DNM3: variants seen among roughly 807,000 people sequenced by gnomAD.
DNM3 encodes dynamin-3.
A neutral mutation model predicts 101.6 loss-of-function variants in DNM3; 47 were observed. That is an observed-to-expected ratio of 0.46 (90% CI 0.37 to 0.59). DNM3 has a LOEUF of 0.59. DNM3 is among the 20% of genes least tolerant of loss of function. The pLI is 0.00. For missense variants in DNM3, 849 were observed against 1,085.7 expected, an observed-to-expected ratio of 0.78 and a Z score of 3.06; for synonymous variants, 385 against 387.9, an observed-to-expected ratio of 0.99 and a Z score of 0.09.
intron 17 of DNM3, among the ~76,000 whole-genome samples, chr1:172,344,035 G>A (rs986439892): frequency 6.6e-6 from 1 of 152,164 alleles, no homozygotes; most frequent in Admixed American, 6.5e-5. Flanking sequence ...CTTCAGGGCT[G>A]CTTTGCCTTC....
chr1:172,143,314 T>G (rs967002859), intron 14 of DNM3, among the ~76,000 whole-genome samples: 3 of 152,158 alleles, frequency 2.0e-5, no homozygotes, highest in Admixed American at 6.6e-5. Flanking sequence ...AAGAGATGTT[T>G]TCATTATATA....
At chr1:171,968,715 C>T (rs2043772857) in intron 2 of DNM3, among the ~76,000 whole-genome samples, 1 of 152,058 alleles carries the variant, frequency 6.6e-6, no homozygotes, top group African/African-American at 2.4e-5. Context: ...CTATAACGGT[C>T]TTAAGGAATT....
intron 16 of DNM3, chr1:172,309,679 G>A (rs545103664): frequency 6.6e-6 from 1 of 152,332 alleles, no homozygotes; most frequent in Non-Finnish European, 1.5e-5. Flanking sequence ...TCAGTTTATA[G>A]GAATGATCAT....
downstream of DNM3, among the ~76,000 whole-genome samples, chr1:172,417,128 T>C (rs1299693539): frequency 6.6e-6 from 1 of 152,062 alleles, no homozygotes; most frequent in Non-Finnish European, 1.5e-5. Flanking sequence ...CAAGCAAGAA[T>C]AAGATGTGTA....
intron 14 of DNM3, among the ~76,000 whole-genome samples, chr1:172,250,641 G>A (rs1048299784): frequency 6.6e-6 from 1 of 152,078 alleles, no homozygotes; most frequent in African/African-American, 2.4e-5. Context: ...AGGGGAACTA[G>A]GACAAACTCT....
chr1:172,048,781 G>T (rs191841060), intron 10 of DNM3, 31 bp downstream of exon 10: 2 of 1,603,688 alleles, frequency 1.2e-6, no homozygotes, highest in Admixed American at 1.7e-5. Flanking sequence ...TTTCCAGTAC[G>T]TGGCTTTGGT....
intron 6 of DNM3, among the ~76,000 whole-genome samples, chr1:172,037,880 G>C (rs940619430): frequency 2.4e-4 from 36 of 152,204 alleles, no homozygotes; most frequent in African/African-American, 8.7e-4. Flanking sequence ...AGCTTCATCA[G>C]TGTGGTAAAC....
intron 17 of DNM3, among the ~76,000 whole-genome samples, chr1:172,364,662 A>T (rs2067916004): frequency 6.6e-6 from 1 of 151,906 alleles, no homozygotes; most frequent in African/African-American, 2.4e-5. Context: ...ACCAAATCTC[A>T]TGTCAATTGT....
chr1:171,899,641 C>A (rs915897018), intron 1 of DNM3, among the ~76,000 whole-genome samples: 1 of 152,126 alleles, frequency 6.6e-6, no homozygotes, highest in Non-Finnish European at 1.5e-5. Context: ...ATGGTAGTTA[C>A]TAAGGGTTTG....
intron 20 of DNM3, among the ~76,000 whole-genome samples, chr1:172,403,297 A>G (rs563499316): frequency 1.4e-4 from 22 of 152,242 alleles, no homozygotes; most frequent in African/African-American, 5.1e-4. Context: ...ACAAATCAGT[A>G]TTATGCTAGC....
intron 15 of DNM3, among the ~76,000 whole-genome samples, chr1:172,257,877 A>AACAC (rs56955112): frequency 0.027 from 3,927 of 145,182 alleles, 117 homozygotes; most frequent in African/African-American, 0.072. Context: ...AACCCCCACC[A>AACAC]ACACACACAC....
At chr1:172,274,530 C>T (rs993365212) in intron 15 of DNM3, among the ~76,000 whole-genome samples, 13 of 151,992 alleles carry the variant, frequency 8.6e-5, no homozygotes, top group Non-Finnish European at 1.8e-4. Flanking sequence ...ACCTTTCCTT[C>T]CTTCCCCTCC....
chr1:172,187,289 T>C (rs1249600682), intron 14 of DNM3, among the ~76,000 whole-genome samples: 6 of 152,080 alleles, frequency 3.9e-5, no homozygotes, highest in Non-Finnish European at 2.9e-5. Flanking sequence ...TTTGGTTTAT[T>C]TGTAAATTAA....
chr1:172,030,190 T>G (rs1315357272), intron 4 of DNM3, among the ~76,000 whole-genome samples: 1 of 152,148 alleles, frequency 6.6e-6, no homozygotes, highest in Admixed American at 6.5e-5. Context: ...AACAGCATGG[T>G]ACTGGTACCA....
intron 14 of DNM3, among the ~76,000 whole-genome samples, chr1:172,163,243 G>GT (rs201806268): frequency 0.51 from 69,047 of 134,358 alleles, 17,779 homozygotes; most frequent in Middle Eastern, 0.62. Context: ...TTCTTTTTTT[G>GT]TTTTTTTTTT....
At chr1:172,106,505 A>C (rs1163817438) in intron 13 of DNM3, among the ~76,000 whole-genome samples, 1 of 152,146 alleles carries the variant, frequency 6.6e-6, no homozygotes, top group African/African-American at 2.4e-5. Flanking sequence ...TTTAGTACCT[A>C]GGTGATGAAA....
At chr1:172,290,895 A>C (rs1351675642) in intron 15 of DNM3, among the ~76,000 whole-genome samples, 1 of 152,170 alleles carries the variant, frequency 6.6e-6, no homozygotes, top group Non-Finnish European at 1.5e-5. Flanking sequence ...GAGATTAAGA[A>C]GCTGTAGTCA....
At chr1:171,920,602 G>A (rs2040079810) in intron 1 of DNM3, among the ~76,000 whole-genome samples, 1 of 152,206 alleles carries the variant, frequency 6.6e-6, no homozygotes, top group South Asian at 2.1e-4. Flanking sequence ...GGAATTCTGT[G>A]ATGATTCCTC....
chr1:172,031,604 T>C (rs114746005), intron 4 of DNM3, among the ~76,000 whole-genome samples: 23 of 152,324 alleles, frequency 1.5e-4, no homozygotes, highest in Non-Finnish European at 3.2e-4. Flanking sequence ...AGGCAAATAC[T>C]GTCCATTTCA....
Sources: allele counts gnomAD v4.1 joint callset (sites outside exome capture counted in the v4.1 genomes callset), GRCh38; gene constraint gnomAD v4.1.1; transcripts MANE v1.5; gene names NCBI Gene and HGNC (gene_info 2026-07-23, HGNC 2026-07-21).